STIL: variants seen among roughly 807,000 people sequenced by gnomAD.
The protein encoded by STIL is SCL-interrupting locus protein.
A neutral mutation model predicts 110.1 loss-of-function variants in STIL; 55 were observed. That is an observed-to-expected ratio of 0.50 (90% CI 0.40 to 0.63). The LOEUF is 0.63. Ranked by LOEUF, STIL falls within the 20% of genes least tolerant of loss-of-function variation. The pLI, the probability that STIL is intolerant of heterozygous loss-of-function variation, is 0.00. For missense variants in STIL, 1,358 were observed against 1,530.0 expected (o/e 0.89, Z 1.87); for synonymous variants, 481 against 530.0 (o/e 0.91, Z 1.27).
intron 12 of STIL, among the ~76,000 whole-genome samples, chr1:47,279,850 C>T (rs772462574): frequency 6.6e-6 from 1 of 151,874 alleles, no homozygotes; most frequent in African/African-American, 2.4e-5. Context: ...AAGGCTCTAA[C>T]TATATAGATA....
chr1:47,305,204 C>A, intron 2 of STIL: 2 of 466,152 alleles, frequency 4.3e-6, no homozygotes, highest in Non-Finnish European at 7.6e-6. Context: ...CAGCTCACTG[C>A]AACCTCTGCC....
At chr1:47,263,231 T>C in intron 14 of STIL, 115 bp from the exon 15 acceptor site, 1 of 964,916 alleles carries the variant, frequency 1.0e-6, no homozygotes, top group African/African-American at 1.6e-5. Context: ...TATTTTTAGC[T>C]CTTAGTGATG....
chr1:47,308,368 G>A (rs1382424189), intron 2 of STIL, among the ~76,000 whole-genome samples: 3 of 151,150 alleles, frequency 2.0e-5, no homozygotes, highest in African/African-American at 4.9e-5. Flanking sequence ...TGATTATCGG[G>A]GCAGGTCCCC....
chr1:47,268,138 G>T (rs1170024528), intron 14 of STIL, among the ~76,000 whole-genome samples: 3 of 152,120 alleles, frequency 2.0e-5, no homozygotes, highest in African/African-American at 7.2e-5. Flanking sequence ...ATATATAATG[G>T]CAATACGGAG....
rs922091550 is a variant in STIL at position 47,299,937 on chromosome 1, A to G, written c.669T>C (p.Asn223=). ...TATAAGTCCCTTGAACTTGAGAAAT[A>G]TTCAGATTACTGCTCAAGTTTCTTG... ...ALARNLSSNL[N]ISQVQGTYKY... Residue 223 remains asparagine, a synonymous_variant, in exon 6 of 17, where the codon AAT becomes AAC. Coordinates refer to ENST00000371877, the MANE Select transcript of STIL (RefSeq NM_001048166.1). The G allele has an allele frequency of 6.2e-7, 1 of 1,614,014 alleles. No individual in the cohort carries two copies. The highest frequency in any genetic ancestry group is 8.5e-7 in the Non-Finnish European group (1 of 1,179,986).
At chr1:47,258,322 C>T (rs1312028221) in intron 16 of STIL, among the ~76,000 whole-genome samples, 1 of 152,200 alleles carries the variant, frequency 6.6e-6, no homozygotes, top group Non-Finnish European at 1.5e-5. Flanking sequence ...TGCACATACT[C>T]TTTGATCCTG....
At chr1:47,252,868 A>G (rs1011978198) in intron 16 of STIL, among the ~76,000 whole-genome samples, 1 of 151,486 alleles carries the variant, frequency 6.6e-6, no homozygotes, top group African/African-American at 2.4e-5. Context: ...TACTTTGATT[A>G]GTGTTAAGTC....
intron 2 of STIL, among the ~76,000 whole-genome samples, chr1:47,307,579 T>C (rs1050226722): frequency 1.3e-5 from 2 of 152,168 alleles, no homozygotes; most frequent in African/African-American, 4.8e-5. Flanking sequence ...AGGATGTATA[T>C]CGTCTCAGGA....
chr1:47,266,293 A>C lies in STIL; in HGVS notation c.2616-3177T>G, dbSNP rs562319581. ...TAATCACAATGATTTAAAATGTCAA[A>C]TATCACAAGGCTTATTAATTTCTAA... On this transcript the variant is annotated intron_variant, in intron 14 of 16. Coordinates refer to ENST00000371877, the MANE Select transcript of STIL (RefSeq NM_001048166.1). Among the ~76,000 whole-genome samples the C allele has an allele frequency of 3.3e-5, 5 of 152,324 alleles. No homozygotes were observed. In the South Asian group the frequency reaches 8.3e-4, roughly 25 times the overall value.
At chr1:47,252,939 T>G (rs919377323) in intron 16 of STIL, among the ~76,000 whole-genome samples, 1 of 152,116 alleles carries the variant, frequency 6.6e-6, no homozygotes, top group Non-Finnish European at 1.5e-5. Context: ...TTTTTTTTTT[T>G]GGAGACAGGG....
At chr1:47,274,284 T>C (rs866523760) in intron 12 of STIL, among the ~76,000 whole-genome samples, 1 of 152,012 alleles carries the variant, frequency 6.6e-6, no homozygotes, top group African/African-American at 2.4e-5. Flanking sequence ...TAGAATTCTA[T>C]AGTGCATTTT....
intron 16 of STIL, among the ~76,000 whole-genome samples, chr1:47,252,992 G>A (rs543926199): frequency 6.6e-6 from 1 of 152,034 alleles, no homozygotes; most frequent in African/African-American, 2.4e-5. Flanking sequence ...GCAACTGCAT[G>A]TCATTTGCTA....
At position 47,251,099 on chromosome 1, in the gene STIL, C is replaced by CCCTGT. The variant is rs756277774; in HGVS notation, c.*32_*36dup. ...TTTCCCTAAGTATCTTCAGGAGACACCCTGTCCCTGTATTAAAAGGGCAGG... is the reference window on the plus strand; with the variant it reads ...TTTCCCTAAGTATCTTCAGGAGACACCCTGTCCTGTCCCTGTATTAAAAGGGCAGG... On this transcript the variant is annotated 3_prime_UTR_variant, in exon 17 of 17. Coordinates refer to ENST00000371877, the MANE Select transcript of STIL (RefSeq NM_001048166.1). 1 of 1,596,244 alleles carries CCCTGT rather than the reference C, an allele frequency of 6.3e-7. No individual in the cohort carries two copies. The highest frequency in any genetic ancestry group is 8.6e-7 in the Non-Finnish European group (1 of 1,168,042).
intron 10 of STIL, among the ~76,000 whole-genome samples, chr1:47,284,991 C>G (rs1297727418): frequency 6.7e-6 from 1 of 149,986 alleles, no homozygotes; most frequent in Admixed American, 6.7e-5. Flanking sequence ...GGTGTCCAGC[C>G]TACCAGCCTA....
In STIL at chr1:47,307,422, C is replaced by T. The variant is rs980901518; in HGVS notation, c.45-2426G>A. 6.6e-5 allele frequency among the ~76,000 whole-genome samples: 10 copies of T among 152,132 alleles called. 1 individual carries two copies. The South Asian group carries it at 2.1e-3, about 32-fold the overall frequency. On this transcript the variant is annotated intron_variant, in intron 2 of 16. Transcript: ENST00000371877. ...CATTTATTAGTTCCCCAAATTAATA[C>T]TTTTGTAATTTCTTATGCCTGTCTT... is the stretch of plus-strand genomic sequence containing the variant.
At chr1:47,262,804 C>A in intron 15 of STIL, 99 bp downstream of exon 15, 1 of 1,094,718 alleles carries the variant, frequency 9.1e-7, no homozygotes, top group Non-Finnish European at 1.4e-6. Context: ...ATCTTTTTAT[C>A]TTAAGGTCTC....
chr1:47,283,237 A>G (rs149393897), intron 10 of STIL: 23 of 152,334 alleles, frequency 1.5e-4, no homozygotes, highest in Middle Eastern at 3.4e-3. Flanking sequence ...GAACAAAAGA[A>G]ACTCCAAGGC....
chr1:47,289,545 A>G lies in STIL; in HGVS notation c.913T>C (p.Ser305Pro). The G allele has an allele frequency of 6.2e-7, 1 of 1,613,856 alleles. No homozygotes were observed. Among genetic ancestry groups the G allele is most frequent in the Non-Finnish European group, 8.5e-7 (1 of 1,179,786 alleles). ...ESGNFIIVLY[S>P]MTHKEPEFYE... ...AACTCAGGTTCCTTATGTGTCATAGAATAGAGAACTATGATGAAATTTCCA... is the reference window on the plus strand; with the variant it reads ...AACTCAGGTTCCTTATGTGTCATAGGATAGAGAACTATGATGAAATTTCCA... Residue 305 changes from serine to proline, a missense_variant, in exon 9 of 17, where the codon TCT becomes CCT. Physicochemically the swap from Ser to Pro is moderately conservative, Grantham distance 74. Transcript: ENST00000371877.
chr1:47,299,582 G>A (rs1645742741), intron 6 of STIL, among the ~76,000 whole-genome samples: 1 of 151,762 alleles, frequency 6.6e-6, no homozygotes, highest in Non-Finnish European at 1.5e-5. Flanking sequence ...TAGTAGAGAT[G>A]GGGTTTCACC....
Sources: gnomAD v4.1 joint callset for allele counts (sites outside exome capture counted in the v4.1 genomes callset) on GRCh38, gnomAD v4.1.1 for gene constraint, MANE v1.5 for transcripts, NCBI Gene and HGNC (gene_info 2026-07-23, HGNC 2026-07-21) for gene names.